Variants in MCTP2 observed in about 807,000 individuals in gnomAD.
MCTP2 encodes multiple C2 and transmembrane domain-containing protein 2.
A neutral mutation model predicts 111.6 loss-of-function variants in MCTP2; 132 were observed. The observed-to-expected ratio is 1.18, with a 90% CI of 1.03 to 1.37. The LOEUF (loss-of-function observed/expected upper bound fraction) is 1.37. MCTP2 is among the 40% of genes most tolerant of loss of function. MCTP2 has a pLI of 0.00. For synonymous variants in MCTP2, 395 were observed against 387.7 expected (o/e 1.02, Z -0.22); for missense variants, 1,183 against 1,067.9 (o/e 1.11, Z -1.50).
At chr15:94,395,205 CA>C (rs1241159989) in intron 14 of MCTP2, among the ~76,000 whole-genome samples, 17 of 152,238 alleles carry the variant, frequency 1.1e-4, no homozygotes, top group Non-Finnish European at 2.2e-4. Context: ...TTTCCATGTG[CA>C]TCAGCTGGAA....
chr15:94,402,156 A>G, intron 17 of MCTP2, 137 bp downstream of exon 17: 1 of 1,335,800 alleles, frequency 7.5e-7, no homozygotes, highest in Non-Finnish European at 1.0e-6. Flanking sequence ...TACCTGGGAA[A>G]CCCCTTAAAT....
chr15:94,402,069 T>C, intron 17 of MCTP2, 50 bp downstream of exon 17: 1 of 1,595,132 alleles, frequency 6.3e-7, no homozygotes, highest in Non-Finnish European at 8.6e-7. Context: ...TTTGCATCTA[T>C]TCATCTTTCT....
chr15:94,315,144 C>T (rs2076323278), intron 3 of MCTP2, among the ~76,000 whole-genome samples: 1 of 152,124 alleles, frequency 6.6e-6, no homozygotes, highest in Non-Finnish European at 1.5e-5. Context: ...AGCGGGGACA[C>T]ATGTTCTTGG....
At chr15:94,329,475 A>G (rs1319018330) in intron 4 of MCTP2, among the ~76,000 whole-genome samples, 8 of 152,168 alleles carry the variant, frequency 5.3e-5, no homozygotes, top group Non-Finnish European at 1.0e-4. Context: ...GGAGCTTAGA[A>G]TCATGGCTTC....
chr15:94,277,981 G>A (rs540192499), intron 1 of MCTP2, among the ~76,000 whole-genome samples: 4 of 152,066 alleles, frequency 2.6e-5, no homozygotes, highest in Non-Finnish European at 4.4e-5. Context: ...CTTTCTACAC[G>A]ATGTCTTTGT....
intron 1 of MCTP2, chr15:94,273,412 GA>G (rs2074018070): frequency 6.6e-6 from 1 of 152,300 alleles, no homozygotes; most frequent in East Asian, 1.9e-4. Context: ...TCCCCATATA[GA>G]AATTAAGCAC....
In MCTP2 at chr15:94,345,168, A is replaced by G. The variant is rs2077903186; in HGVS notation, c.1005+4A>G. The G allele has an allele frequency of 4.3e-6, 7 of 1,611,660 alleles. No homozygotes were observed. Among genetic ancestry groups the G allele is most frequent in the Non-Finnish European group, 4.2e-6 (5 of 1,178,490 alleles). On this transcript the variant is annotated splice_donor_region_variant and intron_variant, in intron 8 of 22. Coordinates refer to ENST00000357742, the MANE Select transcript of MCTP2 (RefSeq NM_001385001.1). The stretch of plus-strand genomic sequence containing the variant: ...GAAGCGATTAAGTGCCAGCAAGGTA[A>G]ATATACTTTTTTTTCCTTTAGATCA...
At position 94,338,689 on chromosome 15, in the gene MCTP2, G is replaced by T. The variant is rs113623168; in HGVS notation, c.638-601G>T. ...GCCAGCTGAGGGCCTGGCTGATGTG[G>T]AGTTCAGCTGCCCTGGCTGAGACAA... On this transcript the variant is annotated intron_variant, in intron 4 of 22. Transcript: ENST00000357742. 3.1e-3 allele frequency among the ~76,000 whole-genome samples: 470 copies of T among 152,292 alleles called. 4 individuals are homozygous for T. Among genetic ancestry groups the T allele is most frequent in the African/African-American group, 0.01 (436 of 41,552 alleles).
At chr15:94,296,933 G>A (rs1038665013) in intron 1 of MCTP2, among the ~76,000 whole-genome samples, 2 of 152,154 alleles carry the variant, frequency 1.3e-5, no homozygotes, top group Non-Finnish European at 1.5e-5. Flanking sequence ...CTTTTAGCAG[G>A]CAAATGGCTG....
chr15:94,254,029 G>T (rs1291829389), intron 1 of MCTP2, among the ~76,000 whole-genome samples: 1 of 152,182 alleles, frequency 6.6e-6, no homozygotes, highest in East Asian at 1.9e-4. Context: ...ATGAGACTGT[G>T]GTGGGTGACA....
intron 2 of MCTP2, among the ~76,000 whole-genome samples, chr15:94,304,912 T>G (rs2075810840): frequency 6.6e-6 from 1 of 152,176 alleles, no homozygotes; most frequent in Non-Finnish European, 1.5e-5. Flanking sequence ...CTTTTTCTGA[T>G]TGACACATTA....
At chr15:94,319,933 G>T (rs958100021) in intron 4 of MCTP2, among the ~76,000 whole-genome samples, 5 of 152,108 alleles carry the variant, frequency 3.3e-5, no homozygotes, top group Non-Finnish European at 7.3e-5. Flanking sequence ...GCTTATTGTT[G>T]CAATAGGAAG....
intron 17 of MCTP2, among the ~76,000 whole-genome samples, chr15:94,415,647 C>G (rs111787877): frequency 6.6e-6 from 1 of 151,930 alleles, no homozygotes; most frequent in African/African-American, 2.4e-5. Flanking sequence ...CAACCTCACC[C>G]CTCCCAACAC....
At chr15:94,280,305 A>T (rs138051170) in intron 1 of MCTP2, among the ~76,000 whole-genome samples, 1 of 152,082 alleles carries the variant, frequency 6.6e-6, no homozygotes, top group Admixed American at 6.5e-5. Context: ...TGGTCAGATC[A>T]GAATTTCAAT....
intron 1 of MCTP2, among the ~76,000 whole-genome samples, chr15:94,234,311 T>C (rs565428140): frequency 6.6e-5 from 10 of 152,354 alleles, no homozygotes; most frequent in Admixed American, 5.2e-4. Context: ...AGTGAATATG[T>C]ATTTAAAATG....
rs566506364 is a variant in MCTP2 at position 94,389,462 on chromosome 15, G to A, written c.1788+3937G>A. The stretch of plus-strand genomic sequence containing the variant: ...AGCAGTTGACTAGGAAGAAAGTTTC[G>A]GCTCTAGTATGAAGCAAATTAGTGA... On this transcript the variant is annotated intron_variant, in intron 14 of 22. Coordinates refer to ENST00000357742, the MANE Select transcript of MCTP2 (RefSeq NM_001385001.1). 1.7e-3 allele frequency among the ~76,000 whole-genome samples: 259 copies of A among 152,206 alleles called. 1 individual carries two copies. The highest frequency in any genetic ancestry group is 4.3e-3 in the African/African-American group (178 of 41,548).
chr15:94,365,834 G>A (rs575576771), intron 10 of MCTP2, among the ~76,000 whole-genome samples: 1 of 152,134 alleles, frequency 6.6e-6, no homozygotes, highest in Admixed American at 6.5e-5. Context: ...GTATTAAAAA[G>A]AATGTGCCAT....
intron 4 of MCTP2, among the ~76,000 whole-genome samples, chr15:94,326,543 C>G (rs1311903082): frequency 6.6e-6 from 1 of 151,820 alleles, no homozygotes; most frequent in African/African-American, 2.4e-5. Flanking sequence ...TGTTTCTCAC[C>G]TACCTTGTTA....
At chr15:94,372,536 A>G (rs911244289) in intron 12 of MCTP2, among the ~76,000 whole-genome samples, 10 of 152,228 alleles carry the variant, frequency 6.6e-5, no homozygotes, top group African/African-American at 2.2e-4. Context: ...TACGGTGGGG[A>G]TCAGGCATTA....
Sources: gnomAD v4.1 joint callset for allele counts (sites outside exome capture counted in the v4.1 genomes callset) on GRCh38, gnomAD v4.1.1 for gene constraint, MANE v1.5 for transcripts, NCBI Gene and HGNC (gene_info 2026-07-23, HGNC 2026-07-21) for gene names.